TASP1: variants seen among roughly 807,000 people sequenced by gnomAD.
The protein encoded by TASP1 is threonine aspartase 1.
In TASP1, 16 loss-of-function variants were observed where a neutral mutation model predicts 56.6. The observed-to-expected ratio is 0.28, with a 90% CI of 0.19 to 0.43. The LOEUF (loss-of-function observed/expected upper bound fraction) is 0.43, where lower values mean the gene tolerates loss of function less well. Ranked by LOEUF, TASP1 falls within the 20% of genes least tolerant of loss-of-function variation. TASP1 has a pLI of 1.00. For synonymous variants in TASP1, 179 were observed against 184.2 expected (o/e 0.97, Z 0.23); for missense variants, 393 against 511.6 (o/e 0.77, Z 2.24).
intron 11 of TASP1, among the ~76,000 whole-genome samples, chr20:13,478,489 A>T (rs1003652002): frequency 6.6e-6 from 1 of 152,146 alleles, no homozygotes; most frequent in Non-Finnish European, 1.5e-5. Flanking sequence ...CAAATACCAA[A>T]TGTTCTCACT....
chr20:13,594,137 G>T (rs1224776627), intron 4 of TASP1, among the ~76,000 whole-genome samples: 1 of 152,218 alleles, frequency 6.6e-6, no homozygotes, highest in Non-Finnish European at 1.5e-5. Context: ...TGAGGGACAT[G>T]ACTGTTAGAA....
the TASP1 span, among the ~76,000 whole-genome samples, chr20:13,358,442 G>A: frequency 6.6e-6 from 1 of 152,160 alleles, no homozygotes; most frequent in Admixed American, 6.5e-5. Context: ...TCCTCAGACC[G>A]ACCAGCCCAA....
rs541343704 is a variant in TASP1 at position 13,398,308 on chromosome 20, C to T, written c.1171-7856G>A. On this transcript the variant is annotated intron_variant, in intron 13 of 13. Coordinates refer to ENST00000337743, the MANE Select transcript of TASP1 (RefSeq NM_017714.3). ...ATGCCCCCAAAGAACTGTTAAGGCA[C>T]GGAGACCCAGAAAGCAGCATTTCTC... is the stretch of plus-strand genomic sequence containing the variant. Among the ~76,000 whole-genome samples, 6 of 151,988 alleles carry T rather than the reference C, an allele frequency of 3.9e-5. No individual in the cohort carries two copies. In the South Asian group the frequency reaches 8.3e-4, roughly 21 times the overall value.
the TASP1 span, among the ~76,000 whole-genome samples, chr20:13,379,918 C>T: frequency 6.6e-6 from 1 of 152,088 alleles, no homozygotes; most frequent in Admixed American, 6.5e-5. Flanking sequence ...TTTTTCAGCT[C>T]CATCCGGTCA....
intron 11 of TASP1, among the ~76,000 whole-genome samples, chr20:13,449,627 T>C (rs147990685): frequency 1.3e-3 from 194 of 152,284 alleles, no homozygotes; most frequent in African/African-American, 4.4e-3. Context: ...TGGTGATTGC[T>C]GATATTCCAG....
At chr20:13,429,467 T>C (rs1336361075) in intron 12 of TASP1, among the ~76,000 whole-genome samples, 1 of 151,174 alleles carries the variant, frequency 6.6e-6, no homozygotes, top group African/African-American at 2.5e-5. Flanking sequence ...TTACGATTAT[T>C]TGTCAATTAT....
chr20:13,478,442 C>G (rs1034729461), intron 11 of TASP1, among the ~76,000 whole-genome samples: 2 of 151,928 alleles, frequency 1.3e-5, no homozygotes, highest in Non-Finnish European at 2.9e-5. Context: ...GAGCTGGAGG[C>G]CATTATCTTA....
intron 8 of TASP1, among the ~76,000 whole-genome samples, chr20:13,553,361 A>C (rs1363659910): frequency 6.6e-6 from 1 of 152,184 alleles, no homozygotes. Context: ...GTCCAGCCCT[A>C]CCATGCAAAG....
At chr20:13,210,349 T>A in the TASP1 span, among the ~76,000 whole-genome samples, 4 of 152,328 alleles carry the variant, frequency 2.6e-5, no homozygotes, top group African/African-American at 9.6e-5. Flanking sequence ...AGCACTCATT[T>A]GGCTGTCTGT....
the TASP1 span, among the ~76,000 whole-genome samples, chr20:13,219,901 T>G: frequency 6.6e-6 from 1 of 152,098 alleles, no homozygotes; most frequent in African/African-American, 2.4e-5. Flanking sequence ...GCAGTTGAAT[T>G]AAGAATCTTA....
rs189296642 is a variant in TASP1 at position 13,579,638 on chromosome 20, A to T, written c.488+1259T>A. 1.8e-3 allele frequency among the ~76,000 whole-genome samples: 272 copies of T among 152,260 alleles called. 1 individual carries two copies. The highest frequency in any genetic ancestry group is 6.2e-3 in the African/African-American group (256 of 41,552). On this transcript the variant is annotated intron_variant, in intron 6 of 13. Transcript: ENST00000337743. ...AGTGCTGGGGTTACAAGGGTGAGCC[A>T]CCGCGCCCGGCTTTTCTCACTTTCA...
the TASP1 span, among the ~76,000 whole-genome samples, chr20:13,230,336 C>T: frequency 1.3e-5 from 2 of 152,076 alleles, no homozygotes; most frequent in African/African-American, 2.4e-5. Flanking sequence ...GGTGGCTGCT[C>T]TCTTTTCAAG....
intron 4 of TASP1, among the ~76,000 whole-genome samples, chr20:13,609,789 C>G (rs1252285289): frequency 6.6e-6 from 1 of 151,350 alleles, no homozygotes; most frequent in African/African-American, 2.4e-5. Flanking sequence ...AAAAGTTACT[C>G]AAATACCTAT....
chr20:13,237,891 A>G, the TASP1 span: 2 of 152,248 alleles, frequency 1.3e-5, no homozygotes, highest in Non-Finnish European at 2.9e-5. Context: ...TTTCAGTATT[A>G]TGGGGGTGCT....
At chr20:13,385,098 A>G (rs1436507821), downstream of TASP1, among the ~76,000 whole-genome samples, 2 of 152,236 alleles carry the variant, frequency 1.3e-5, no homozygotes. Flanking sequence ...GCCAGACTTG[A>G]GAGATGCCCT....
At chr20:13,400,228 T>C (rs940691914) in intron 13 of TASP1, among the ~76,000 whole-genome samples, 1 of 152,210 alleles carries the variant, frequency 6.6e-6, no homozygotes, top group African/African-American at 2.4e-5. Context: ...CACTCAATGG[T>C]ATTTAATAAA....
At chr20:13,191,223 G>A in the TASP1 span, among the ~76,000 whole-genome samples, 1 of 152,146 alleles carries the variant, frequency 6.6e-6, no homozygotes, top group South Asian at 2.1e-4. Flanking sequence ...ATTTGATCCA[G>A]CAATACCATT....
the TASP1 span, among the ~76,000 whole-genome samples, chr20:13,379,867 T>G: frequency 1.3e-5 from 2 of 152,256 alleles, no homozygotes; most frequent in Admixed American, 1.3e-4. Context: ...TCGATTTGGC[T>G]GTTGACACTT....
At chr20:13,439,703 C>T (rs186509138) in intron 11 of TASP1, among the ~76,000 whole-genome samples, 1 of 151,624 alleles carries the variant, frequency 6.6e-6, no homozygotes, top group East Asian at 1.9e-4. Context: ...AAAATTTGGG[C>T]AAGTGTCCTG....
Sources: gnomAD v4.1 joint callset for allele counts (sites outside exome capture counted in the v4.1 genomes callset) on GRCh38, gnomAD v4.1.1 for gene constraint, MANE v1.5 for transcripts, NCBI Gene and HGNC (gene_info 2026-07-23, HGNC 2026-07-21) for gene names.